The following DACH2 variants were observed in gnomAD, a reference collection of about 807,000 sequenced individuals.
DACH2 encodes dachshund homolog 2.
In DACH2, 17 loss-of-function variants were observed where a neutral mutation model predicts 35.8. That is an observed-to-expected ratio of 0.48 (90% CI 0.33 to 0.71). The LOEUF (loss-of-function observed/expected upper bound fraction) is 0.71. DACH2 is among the 30% of genes least tolerant of loss of function. The pLI is 0.02. For missense variants in DACH2, 469 were observed against 472.7 expected, an observed-to-expected ratio of 0.99 and a Z score of 0.07; for synonymous variants, 195 against 177.3, an observed-to-expected ratio of 1.10 and a Z score of -0.79.
At position 86,611,046 on chromosome X, in the gene DACH2, C is replaced by G. The variant is rs769830485; in HGVS notation, c.641-39990C>G. 2.7e-5 allele frequency among the ~76,000 whole-genome samples: 3 copies of G among 111,259 alleles called. No homozygotes were observed. In the East Asian group the frequency reaches 8.6e-4, roughly 32 times the overall value. On this transcript the variant is annotated intron_variant, in intron 3 of 11. Transcript: ENST00000373125. ...GGTCTCACCTGAAGCCAGCACACTACAGAGTCTCACCCAAGGCCCTCAGTG... is the reference window on the plus strand; with the variant it reads ...GGTCTCACCTGAAGCCAGCACACTAGAGAGTCTCACCCAAGGCCCTCAGTG...
At chrX:86,619,491 C>T (rs1028167493) in intron 3 of DACH2, among the ~76,000 whole-genome samples, 6 of 111,667 alleles carry the variant, frequency 5.4e-5, no homozygotes, top group Admixed American at 2.9e-4. Context: ...GTAACATATA[C>T]CAATTTATTG....
At chrX:86,263,317 A>G (rs868023286) in intron 1 of DACH2, among the ~76,000 whole-genome samples, 43 of 111,708 alleles carry the variant, frequency 3.8e-4, no homozygotes, top group African/African-American at 7.8e-4. Flanking sequence ...AAAAAACGGC[A>G]TTAGAAGAAT....
chrX:86,804,327 A>C (rs1411498990), intron 7 of DACH2, among the ~76,000 whole-genome samples: 1 of 111,397 alleles, frequency 9.0e-6, no homozygotes, highest in African/African-American at 3.3e-5. Flanking sequence ...TGACTCACTC[A>C]CTATCATGAG....
intron 7 of DACH2, among the ~76,000 whole-genome samples, chrX:86,752,536 C>T (rs951855956): frequency 5.4e-5 from 6 of 111,556 alleles, no homozygotes; most frequent in Non-Finnish European, 7.5e-5. Context: ...CTATGTAATG[C>T]TATTATCTCA....
intron 3 of DACH2, among the ~76,000 whole-genome samples, chrX:86,551,522 T>C (rs1252445956): frequency 8.9e-6 from 1 of 112,129 alleles, no homozygotes; most frequent in African/African-American, 3.2e-5. Flanking sequence ...TCTTGAGGAT[T>C]ACTAGCATTG....
chrX:86,699,988 A>C (rs957900766), intron 5 of DACH2, among the ~76,000 whole-genome samples: 4 of 111,634 alleles, frequency 3.6e-5, no homozygotes, highest in African/African-American at 1.3e-4. Flanking sequence ...CAGGTTGTTT[A>C]ATTTCCATGT....
chrX:86,442,839 C>T (rs887608036), intron 2 of DACH2, among the ~76,000 whole-genome samples: 5 of 100,459 alleles, frequency 5.0e-5, no homozygotes, highest in African/African-American at 1.5e-4. Flanking sequence ...TCCTTGCCAC[C>T]TTTGTGAAGA....
At chrX:86,310,957 G>T (rs1359139469) in intron 1 of DACH2, among the ~76,000 whole-genome samples, 1 of 111,265 alleles carries the variant, frequency 9.0e-6, no homozygotes, top group Non-Finnish European at 1.9e-5. Flanking sequence ...GGCAGGGATG[G>T]AGGTTATGCA....
chrX:86,315,192 G>T (rs1032040307), intron 1 of DACH2, among the ~76,000 whole-genome samples: 1 of 111,983 alleles, frequency 8.9e-6, no homozygotes, highest in African/African-American at 3.2e-5. Context: ...TAAAAAATAT[G>T]CTAAATCTAC....
At chrX:86,725,309 A>G (rs759195389) in intron 6 of DACH2, among the ~76,000 whole-genome samples, 18 of 111,462 alleles carry the variant, frequency 1.6e-4, no homozygotes, top group South Asian at 1.1e-3. Context: ...TTGCTTTTAT[A>G]CAGGAGGATT....
intron 1 of DACH2, among the ~76,000 whole-genome samples, chrX:86,172,679 G>C (rs2031164979): frequency 1.8e-5 from 2 of 111,857 alleles, no homozygotes; most frequent in Admixed American, 1.9e-4. Context: ...AATTTAATTA[G>C]GTGGTGGATT....
At chrX:86,624,741 C>A (rs957228616) in intron 3 of DACH2, among the ~76,000 whole-genome samples, 3 of 111,262 alleles carry the variant, frequency 2.7e-5, no homozygotes, top group Non-Finnish European at 5.7e-5. Context: ...TTTCTGTTCT[C>A]ATTTTATTGG....
At chrX:86,367,031 T>C (rs1466603180) in intron 1 of DACH2, among the ~76,000 whole-genome samples, 2 of 110,934 alleles carry the variant, frequency 1.8e-5, no homozygotes, top group Non-Finnish European at 3.8e-5. Flanking sequence ...AGATGCAGCA[T>C]TTGAAAGAGA....
chrX:86,301,913 C>A (rs1284731265), intron 1 of DACH2, among the ~76,000 whole-genome samples: 1 of 110,870 alleles, frequency 9.0e-6, no homozygotes. Flanking sequence ...TATATTCTTC[C>A]CACCTCTTTC....
chrX:86,720,668 G>T (rs1319671237), intron 6 of DACH2, among the ~76,000 whole-genome samples: 1 of 112,004 alleles, frequency 8.9e-6, no homozygotes, highest in Non-Finnish European at 1.9e-5. Flanking sequence ...CAGGAGCATG[G>T]TGAAAGCTGT....
intron 2 of DACH2, among the ~76,000 whole-genome samples, chrX:86,466,039 G>A (rs1295532890): frequency 9.0e-6 from 1 of 111,577 alleles, no homozygotes; most frequent in Non-Finnish European, 1.9e-5. Context: ...TCATGCTGCT[G>A]ATAAAGACAT....
chrX:86,426,888 C>T (rs892139440), intron 2 of DACH2, among the ~76,000 whole-genome samples: 2 of 112,076 alleles, frequency 1.8e-5, no homozygotes, highest in Non-Finnish European at 3.8e-5. Flanking sequence ...TTCATAAGGA[C>T]ACATTAAATC....
intron 1 of DACH2, chrX:86,160,506 A>G (rs1448166821): frequency 3.8e-6 from 2 of 530,329 alleles, no homozygotes; most frequent in Non-Finnish European, 6.9e-6. Flanking sequence ...AGTACAGCAA[A>G]CTTGCATGCA....
At position 86,195,965 on chromosome X, in the gene DACH2, A is replaced by G. The variant is rs764809036; in HGVS notation, c.488+46857A>G. On this transcript the variant is annotated intron_variant, in intron 1 of 11. Transcript: ENST00000373125. The stretch of plus-strand genomic sequence containing the variant: ...GGCAGCAACTTCAAAGACTGAAGGA[A>G]CATAAGCCCACAAAGATGAGAAAGA... Among the ~76,000 whole-genome samples, 4 of 112,330 alleles carry G rather than the reference A, an allele frequency of 3.6e-5. 1 individual carries two copies. In the South Asian group the frequency reaches 1.5e-3, roughly 42 times the overall value.
Sources: allele counts gnomAD v4.1 joint callset (sites outside exome capture counted in the v4.1 genomes callset), GRCh38; gene constraint gnomAD v4.1.1; transcripts MANE v1.5; gene names NCBI Gene and HGNC (gene_info 2026-07-23, HGNC 2026-07-21).